The following ABCC4 variants were observed in gnomAD, a reference collection of about 807,000 sequenced individuals.
ABCC4 encodes ATP-binding cassette sub-family C member 4.
Under a neutral mutation model 168.5 loss-of-function variants are expected in ABCC4, and 102 were observed. The ratio of observed to expected loss-of-function variants is 0.61; its 90% CI spans 0.52 to 0.71. The LOEUF is 0.71. ABCC4 is among the 30% of genes least tolerant of loss of function. The pLI is 0.00. For missense variants in ABCC4, 1,402 were observed against 1,605.8 expected, an observed-to-expected ratio of 0.87 and a Z score of 2.17; for synonymous variants, 617 against 590.7, an observed-to-expected ratio of 1.04 and a Z score of -0.65.
intron 1 of ABCC4, among the ~76,000 whole-genome samples, chr13:95,270,060 G>A (rs930583332): frequency 1.3e-4 from 20 of 152,052 alleles, no homozygotes; most frequent in African/African-American, 4.8e-4. Context: ...TCATAAGAGA[G>A]GATAAAGGAA....
intron 24 of ABCC4, among the ~76,000 whole-genome samples, chr13:95,072,786 G>A (rs551225073): frequency 6.6e-6 from 1 of 152,240 alleles, no homozygotes; most frequent in South Asian, 2.1e-4. Flanking sequence ...GAGAGTAAAC[G>A]CTAGAACTGG....
intron 19 of ABCC4, among the ~76,000 whole-genome samples, chr13:95,151,027 C>G (rs1290440288): frequency 1.3e-5 from 2 of 152,158 alleles, no homozygotes; most frequent in Admixed American, 6.5e-5. Flanking sequence ...TTTATAAAAT[C>G]AAGGCCAATG....
chr13:95,294,603 T>A (rs947250924), intron 1 of ABCC4, among the ~76,000 whole-genome samples: 1 of 152,176 alleles, frequency 6.6e-6, no homozygotes, highest in African/African-American at 2.4e-5. Flanking sequence ...TGCAACCACT[T>A]CCTATTGGCC....
chr13:95,093,001 G>A (rs1369991357), intron 20 of ABCC4, among the ~76,000 whole-genome samples: 1 of 152,002 alleles, frequency 6.6e-6, no homozygotes, highest in Non-Finnish European at 1.5e-5. Context: ...GGAAGAATTA[G>A]ATACCCTGAA....
At chr13:95,025,223 C>A (rs1388352750) in intron 30 of ABCC4, among the ~76,000 whole-genome samples, 9 of 45,992 alleles carry the variant, frequency 2.0e-4, no homozygotes, top group Admixed American at 8.1e-4. Flanking sequence ...CCACACACCC[C>A]CACACACACC....
intron 27 of ABCC4, among the ~76,000 whole-genome samples, chr13:95,052,715 C>T (rs776868145): frequency 2.9e-4 from 44 of 152,080 alleles, no homozygotes; most frequent in African/African-American, 5.3e-4. Flanking sequence ...TAATGAAAAA[C>T]GACTATGGTC....
intron 19 of ABCC4, among the ~76,000 whole-genome samples, chr13:95,129,589 T>C (rs544595296): frequency 6.6e-6 from 1 of 151,704 alleles, no homozygotes; most frequent in East Asian, 1.9e-4. Flanking sequence ...CAAAAATGTA[T>C]AATATAACTA....
chr13:95,068,205 G>A (rs1303155242), intron 25 of ABCC4, among the ~76,000 whole-genome samples: 1 of 152,222 alleles, frequency 6.6e-6, no homozygotes, highest in African/African-American at 2.4e-5. Context: ...TCCTGGGGCT[G>A]CAGGCAGGTG....
chr13:95,192,214 T>C (rs2038276399), intron 9 of ABCC4, among the ~76,000 whole-genome samples: 1 of 152,216 alleles, frequency 6.6e-6, no homozygotes, highest in African/African-American at 2.4e-5. Flanking sequence ...CCAGCAGGAC[T>C]GCTGCTGGGG....
chr13:95,037,084 C>CAAAAAAA lies in ABCC4; in HGVS notation c.3736-2352_3736-2346dup, dbSNP rs57294033. On this transcript the variant is annotated intron_variant, in intron 29 of 30. Transcript: ENST00000645237. ...GGGCAACAGAGTGAGACTCTGTGTC[C>CAAAAAAA]AAAAAAAAAAAAAAAAAACCCCAAA... Among the ~76,000 whole-genome samples, 816 of 105,102 alleles carry CAAAAAAA rather than the reference C, an allele frequency of 7.8e-3. 3 individuals are homozygous for CAAAAAAA. The highest frequency in any genetic ancestry group is 0.015 in the African/African-American group (390 of 25,878). The allele number at this position is 105,102 out of a possible 152,430, so 69.0% of individuals were successfully genotyped here.
intron 19 of ABCC4, among the ~76,000 whole-genome samples, chr13:95,127,289 T>C (rs1019602489): frequency 3.9e-5 from 6 of 152,110 alleles, no homozygotes; most frequent in African/African-American, 1.4e-4. Context: ...ATAAATTTAT[T>C]TTATTTTATT....
chr13:95,035,528 G>A (rs577073229), intron 29 of ABCC4, among the ~76,000 whole-genome samples: 2 of 152,292 alleles, frequency 1.3e-5, no homozygotes, highest in East Asian at 1.9e-4. Context: ...CATGGCACAC[G>A]GGGCAGCCCA....
intron 1 of ABCC4, among the ~76,000 whole-genome samples, chr13:95,255,539 C>T (rs940539332): frequency 1.3e-5 from 2 of 152,206 alleles, no homozygotes; most frequent in Non-Finnish European, 2.9e-5. Context: ...ATGGTCCCAA[C>T]CCAGCTTATC....
rs563139016 is a variant in ABCC4 at position 95,083,300 on chromosome 13, CAGA to C, written c.2536-13_2536-11del. 3.2e-5 allele frequency: 51 copies of C among 1,611,708 alleles called. No individual in the cohort carries two copies. The African/African-American group carries it at 5.8e-4, about 18-fold the overall frequency. On this transcript the variant is annotated splice_polypyrimidine_tract_variant and intron_variant, in intron 20 of 30. Transcript: ENST00000645237. ...CCACTTGTAGCAATGTCTGAAATAG[CAGA>C]AGTAGATGCAGGTTTTCCTTATCAA...
At chr13:95,050,528 T>A (rs942395689) in intron 27 of ABCC4, among the ~76,000 whole-genome samples, 1 of 152,192 alleles carries the variant, frequency 6.6e-6, no homozygotes, top group Non-Finnish European at 1.5e-5. Context: ...AGGTCAGGTG[T>A]CAGAATATAA....
intron 1 of ABCC4, among the ~76,000 whole-genome samples, chr13:95,290,509 A>G (rs1299013336): frequency 6.6e-6 from 1 of 152,098 alleles, no homozygotes; most frequent in Non-Finnish European, 1.5e-5. Context: ...GTTCGAGACT[A>G]GCATGGCCAA....
intron 19 of ABCC4, among the ~76,000 whole-genome samples, chr13:95,131,915 C>T (rs1400885450): frequency 6.6e-6 from 1 of 151,958 alleles, no homozygotes; most frequent in Non-Finnish European, 1.5e-5. Context: ...ATGAAACACA[C>T]AATTACCGCA....
At chr13:95,092,703 C>G (rs2139353447) in intron 20 of ABCC4, among the ~76,000 whole-genome samples, 1 of 152,048 alleles carries the variant, frequency 6.6e-6, no homozygotes, top group Admixed American at 6.5e-5. Flanking sequence ...CCAAACCCAG[C>G]AGAAGAAAGG....
At chr13:95,189,126 T>C (rs1399724357) in intron 9 of ABCC4, among the ~76,000 whole-genome samples, 20 of 29,932 alleles carry the variant, frequency 6.7e-4, no homozygotes, top group African/African-American at 3.3e-3. Flanking sequence ...ACAATATTCT[T>C]TTTTTTTTTT....
Sources: gnomAD v4.1 joint callset for allele counts (sites outside exome capture counted in the v4.1 genomes callset) on GRCh38, gnomAD v4.1.1 for gene constraint, MANE v1.5 for transcripts, NCBI Gene and HGNC (gene_info 2026-07-23, HGNC 2026-07-21) for gene names.